LRRCC1: variants seen among roughly 807,000 people sequenced by gnomAD.
LRRCC1 encodes leucine-rich repeat and coiled-coil domain-containing protein 1.
In LRRCC1, 115 loss-of-function variants were observed where a neutral mutation model predicts 126.0. The ratio of observed to expected loss-of-function variants is 0.91; its 90% CI spans 0.78 to 1.07. The LOEUF (loss-of-function observed/expected upper bound fraction) is 1.07, where lower values mean the gene tolerates loss of function less well. Ranked by LOEUF, LRRCC1 falls within the 50% of genes least tolerant of loss-of-function variation. The pLI, the probability that LRRCC1 is intolerant of heterozygous loss-of-function variation, is 0.00. For synonymous variants in LRRCC1, 400 were observed against 393.4 expected (o/e 1.02, Z -0.20); for missense variants, 1,172 against 1,175.7 (o/e 1.00, Z 0.05).
At chr8:85,118,677 A>T (rs1045123407) in intron 6 of LRRCC1, among the ~76,000 whole-genome samples, 1 of 152,036 alleles carries the variant, frequency 6.6e-6, no homozygotes, top group African/African-American at 2.4e-5. Context: ...TTTATCTTCT[A>T]TGAATGCCTG....
chr8:85,113,690 T>G (rs1316999105), intron 4 of LRRCC1, among the ~76,000 whole-genome samples: 3 of 152,002 alleles, frequency 2.0e-5, no homozygotes, highest in Non-Finnish European at 4.4e-5. Context: ...ATGAGAAAAT[T>G]TTTTACTATG....
chr8:85,119,758 A>G (rs1203730859), intron 6 of LRRCC1, among the ~76,000 whole-genome samples: 1 of 152,108 alleles, frequency 6.6e-6, no homozygotes, highest in African/African-American at 2.4e-5. Context: ...TCTGCCTTCC[A>G]AAGTGCTGGG....
Position 85,145,418 on chromosome 8 carries a change from A to C in LRRCC1, c.3006A>C (p.Glu1002Asp), listed in dbSNP as rs201695795. 8.5e-5 allele frequency: 133 copies of C among 1,567,444 alleles called. No homozygotes were observed. The East Asian group carries it at 2.5e-3, about 30-fold the overall frequency. Residue 1002 changes from glutamate (E) to aspartate (D), a missense_variant, in exon 19 of 19, where the codon GAA (glutamate) becomes GAC (aspartate). By Grantham distance (45) the Glu-to-Asp change is conservative. Transcript: ENST00000360375. ...ATCAAATTGAAAAAGAAATGCGTGA[A>C]CTTTTGGAAGAAACATGCAAGAACA... is the stretch of plus-strand genomic sequence containing the variant. Reference protein sequence around the residue: ...KVHQIEKEMRELLEETCKNKK... With the variant: ...KVHQIEKEMRDLLEETCKNKK...
intron 7 of LRRCC1, 68 bp from the exon 8 acceptor site, chr8:85,124,724 G>A (rs1809835976): frequency 9.8e-7 from 1 of 1,017,646 alleles, no homozygotes; most frequent in African/African-American, 1.7e-5. Flanking sequence ...AACTAGAAAT[G>A]TTAATTTAGA....
intron 10 of LRRCC1, 122 bp downstream of exon 10, chr8:85,129,501 T>G (rs1810280563): frequency 1.3e-6 from 1 of 787,754 alleles, no homozygotes; most frequent in Non-Finnish European, 2.0e-6. Context: ...AAAATTAAAT[T>G]GCTGTTAATT....
At position 85,126,737 on chromosome 8, in the gene LRRCC1, G is replaced by A. The variant is rs780013360; in HGVS notation, c.1321G>A (p.Glu441Lys). 5 of 1,612,894 alleles carry A rather than the reference G, an allele frequency of 3.1e-6. No homozygotes were observed. The highest frequency in any genetic ancestry group is 2.2e-5 in the East Asian group (1 of 44,866). The change falls in exon 9 of 19, where the codon GAG (glutamate) becomes AAG (lysine). Residue 441 changes from glutamate to lysine, a missense_variant. Physicochemically the swap from Glu to Lys is moderately conservative, Grantham distance 56. Transcript: ENST00000360375. ...AGAGAGAGAGAAGAGATGGAGAGCT[G>A]AGCAAGCCGAAAATAAACTCATGGA... ...DQEREKRWRA[E>K]QAENKLMDYI...
intron 1 of LRRCC1, 120 bp downstream of exon 1, chr8:85,107,519 G>A: frequency 1.2e-6 from 1 of 854,956 alleles, no homozygotes; most frequent in Non-Finnish European, 1.8e-6. Flanking sequence ...ATAAGTGAAC[G>A]CAGTCTGGCT....
chr8:85,117,264 G>A (rs1435720487), intron 6 of LRRCC1, among the ~76,000 whole-genome samples: 2 of 152,134 alleles, frequency 1.3e-5, no homozygotes, highest in Non-Finnish European at 2.9e-5. Context: ...AATTCATATA[G>A]CTCCTTATGT....
At chr8:85,134,281 T>A (rs1810701095) in intron 12 of LRRCC1, among the ~76,000 whole-genome samples, 1 of 152,224 alleles carries the variant, frequency 6.6e-6, no homozygotes, top group African/African-American at 2.4e-5. Context: ...CCACCTAGAA[T>A]TTAAGCTTTA....
chr8:85,115,758 A>G (rs939538949), intron 6 of LRRCC1, among the ~76,000 whole-genome samples, 174 bp downstream of exon 6: 1 of 152,106 alleles, frequency 6.6e-6, no homozygotes, highest in Non-Finnish European at 1.5e-5. Context: ...TGGTAGTAAA[A>G]GGTAACATAA....
chr8:85,124,724 GTTAA>G, intron 7 of LRRCC1, 64 bp from the exon 8 acceptor site: 8 of 1,017,764 alleles, frequency 7.9e-6, no homozygotes, highest in Non-Finnish European at 1.1e-5. Context: ...AACTAGAAAT[GTTAA>G]TTTAGAGAAA....
Position 85,124,788 on chromosome 8 carries a change from A to G in LRRCC1, c.1125-4A>G. ...AGTTATTTTCTATGTTTCATTCTTTACAGTTGTAATCGTAAAATGAAACCA... is the reference window on the plus strand; with the variant it reads ...AGTTATTTTCTATGTTTCATTCTTTGCAGTTGTAATCGTAAAATGAAACCA... On this transcript the variant is annotated splice_polypyrimidine_tract_variant and splice_region_variant and intron_variant, in intron 7 of 18. Transcript: ENST00000360375. 1 of 1,521,082 alleles carries G rather than the reference A, an allele frequency of 6.6e-7. No homozygotes were observed. Among genetic ancestry groups the G allele is most frequent in the Non-Finnish European group, 8.9e-7 (1 of 1,124,682 alleles). 94.2% of individuals were successfully genotyped at this position (1,521,082 alleles called of 1,614,324 possible).
intron 3 of LRRCC1, 92 bp from the exon 4 acceptor site, chr8:85,112,840 C>T: frequency 2.3e-6 from 2 of 873,468 alleles, no homozygotes; most frequent in South Asian, 4.7e-5. Context: ...GCCCGTTTGC[C>T]TCTAAAAGTA....
rs1340987256 is a variant in LRRCC1, at chr8:85,141,402, A to G, written c.2861A>G (p.His954Arg). 6.2e-7 allele frequency: 1 copy of G among 1,612,488 alleles called. No homozygotes were observed. Among genetic ancestry groups the G allele is most frequent in the Non-Finnish European group, 8.5e-7 (1 of 1,179,096 alleles). ...ELQKNAMEKLHSMDDAFKRQV... is the reference protein window; with the variant it reads ...ELQKNAMEKLRSMDDAFKRQV... Reference sequence around the variant, plus strand: ...TTAAGGAATGCAATGGAAAAACTTCATAGTATGGATGATGCCTTTAAAAGA... The same window carrying G: ...TTAAGGAATGCAATGGAAAAACTTCGTAGTATGGATGATGCCTTTAAAAGA... The change falls in exon 18 of 19, where the codon CAT (histidine) becomes CGT (arginine). Residue 954 changes from histidine (H) to arginine (R), a missense_variant. His to Arg is a conservative substitution (Grantham distance 29). Transcript: ENST00000360375.
intron 6 of LRRCC1, among the ~76,000 whole-genome samples, chr8:85,122,059 A>G (rs1809603606): frequency 6.6e-6 from 1 of 152,090 alleles, no homozygotes; most frequent in Non-Finnish European, 1.5e-5. Context: ...AGAATTCTCA[A>G]TTGACAATTT....
intron 18 of LRRCC1, among the ~76,000 whole-genome samples, chr8:85,144,766 G>A (rs113560763): frequency 7.3e-6 from 1 of 137,192 alleles, no homozygotes; most frequent in African/African-American, 2.6e-5. Context: ...ACCCGGCCAA[G>A]TTAAAATATA....
At position 85,115,355 on chromosome 8, in the gene LRRCC1, G is replaced by C. The variant is rs779827449; in HGVS notation, c.721-20G>C. 2.3e-5 allele frequency: 36 copies of C among 1,589,818 alleles called. No homozygotes were observed. In the South Asian group the frequency reaches 3.1e-4, roughly 14 times the overall value. Reference sequence around the variant, plus strand: ...AGTGAATATAAATTAAAAGGATTTTGGTTTGTTTCTGTGTCATAGATCATT... The same window carrying C: ...AGTGAATATAAATTAAAAGGATTTTCGTTTGTTTCTGTGTCATAGATCATT... On this transcript the variant is annotated intron_variant, in intron 5 of 18. Transcript: ENST00000360375.
chr8:85,112,406 C>T (rs1228487238), intron 3 of LRRCC1, among the ~76,000 whole-genome samples: 1 of 152,186 alleles, frequency 6.6e-6, no homozygotes, highest in African/African-American at 2.4e-5. Flanking sequence ...ACAATTAGTA[C>T]TTGTCCATGA....
chr8:85,109,917 T>C (rs1190376990), intron 2 of LRRCC1, 117 bp downstream of exon 2: 2 of 635,000 alleles, frequency 3.1e-6, no homozygotes, highest in African/African-American at 3.7e-5. Flanking sequence ...CTGAAACTCA[T>C]TATACAAAAT....
Sources: allele counts gnomAD v4.1 joint callset (sites outside exome capture counted in the v4.1 genomes callset), GRCh38; gene constraint gnomAD v4.1.1; transcripts MANE v1.5; gene names NCBI Gene and HGNC (gene_info 2026-07-23, HGNC 2026-07-21).